EPS15: variants seen among roughly 807,000 people sequenced by gnomAD.
The protein encoded by EPS15 is epidermal growth factor receptor pathway substrate 15.
EPS15 carries 72 observed loss-of-function variants against 113.8 expected under a neutral mutation model. The ratio of observed to expected loss-of-function variants is 0.63; its 90% CI spans 0.52 to 0.77. The LOEUF is 0.77. EPS15 is among the 30% of genes least tolerant of loss of function. EPS15 has a pLI of 0.00. For missense variants in EPS15, 1,048 were observed against 1,045.8 expected (o/e 1.00, Z -0.03); for synonymous variants, 344 against 363.4 (o/e 0.95, Z 0.61).
intron 7 of EPS15, 107 bp downstream of exon 7, chr1:51,463,566 A>G: frequency 1.7e-6 from 1 of 586,798 alleles, no homozygotes; most frequent in Non-Finnish European, 2.7e-6. Flanking sequence ...ATACAACTTT[A>G]AAATAAGATT....
intron 21 of EPS15, among the ~76,000 whole-genome samples, chr1:51,378,238 T>C (rs1349798302): frequency 6.6e-6 from 1 of 151,980 alleles, no homozygotes; most frequent in Non-Finnish European, 1.5e-5. Flanking sequence ...CATTTTCTAA[T>C]TAAGACACGT....
At chr1:51,399,298 CCCA>C in intron 19 of EPS15, 133 bp from the exon 20 acceptor site, 2 of 726,788 alleles carry the variant, frequency 2.8e-6, no homozygotes, top group Non-Finnish European at 4.4e-6. Context: ...CGTCTGCATT[CCCA>C]CCACTTTGGG....
At chr1:51,478,581 C>T (rs1202977879) in intron 2 of EPS15, among the ~76,000 whole-genome samples, 1 of 151,610 alleles carries the variant, frequency 6.6e-6, no homozygotes, top group East Asian at 1.9e-4. Flanking sequence ...CATGTTTTTG[C>T]AGTGGCTGGT....
intron 1 of EPS15, among the ~76,000 whole-genome samples, chr1:51,515,233 C>T (rs2148571427): frequency 6.6e-6 from 1 of 151,646 alleles, no homozygotes; most frequent in South Asian, 2.1e-4. Flanking sequence ...AATTAAGTCC[C>T]TACTTAAGGG....
At chr1:51,382,607 T>C (rs1646967678) in intron 21 of EPS15, among the ~76,000 whole-genome samples, 1 of 151,800 alleles carries the variant, frequency 6.6e-6, no homozygotes, top group African/African-American at 2.4e-5. Flanking sequence ...TTAGTAGAGA[T>C]GGGGTTTCAC....
At chr1:51,376,434 CG>C (rs573645605) in intron 21 of EPS15, among the ~76,000 whole-genome samples, 123 of 152,264 alleles carry the variant, frequency 8.1e-4, no homozygotes, top group African/African-American at 2.7e-3. Context: ...GAGGCCAAGG[CG>C]GGCAGATCAC....
At position 51,408,199 on chromosome 1, in the gene EPS15, G is replaced by GACTCT; in HGVS notation, c.1404_1408dup (p.Ser470Ter). 6.2e-7 allele frequency: 1 copy of GACTCT among 1,614,016 alleles called. No individual in the cohort carries two copies. The highest frequency in any genetic ancestry group is 8.5e-7 in the Non-Finnish European group (1 of 1,179,956). On this transcript the variant is annotated stop_gained and frameshift_variant, in exon 15 of 25. Coordinates refer to ENST00000371733, the MANE Select transcript of EPS15 (RefSeq NM_001981.3). LOFTEE classifies it high-confidence loss of function. ...AAGAGGTTCCAACTGAGCCTTCCCT[G>GACTCT]ACTCTACACTCTCCTCCAATTCTGC...
intron 1 of EPS15, among the ~76,000 whole-genome samples, chr1:51,511,800 T>C (rs530873435): frequency 2.6e-4 from 39 of 152,332 alleles, no homozygotes; most frequent in African/African-American, 9.1e-4. Flanking sequence ...GTTCTTATCC[T>C]AGCATTCTTG....
intron 1 of EPS15, among the ~76,000 whole-genome samples, chr1:51,506,881 A>G (rs560178124): frequency 9.1e-4 from 138 of 152,302 alleles, no homozygotes; most frequent in African/African-American, 3.1e-3. Context: ...ACTGCAGAGA[A>G]GGGTGAAAAC....
intron 11 of EPS15, among the ~76,000 whole-genome samples, chr1:51,442,989 GAA>G (rs1357204441): frequency 8.5e-5 from 13 of 152,064 alleles, no homozygotes; most frequent in Admixed American, 7.9e-4. Flanking sequence ...AGATTAAAGA[GAA>G]AAGAGGTTAT....
intron 21 of EPS15, among the ~76,000 whole-genome samples, chr1:51,379,231 C>T (rs148188620): frequency 1.4e-3 from 220 of 152,194 alleles, no homozygotes; most frequent in African/African-American, 4.1e-3. Context: ...GTGATTCTCC[C>T]GCCTCAGCCT....
chr1:51,361,037 G>C (rs531277766), intron 24 of EPS15, 134 bp downstream of exon 24: 9 of 680,628 alleles, frequency 1.3e-5, no homozygotes, highest in Non-Finnish European at 2.0e-5. Flanking sequence ...GGTTTTGCTT[G>C]GGGGAAGAAT....
chr1:51,519,210 A>G lies in EPS15; in HGVS notation c.22T>C (p.Ser8Pro). ...GCGTGTGGCGTTACCTGTGTCAGAGAGAGCTGGGCCGCCGCAGCCATGGTG... is the reference window on the plus strand; with the variant it reads ...GCGTGTGGCGTTACCTGTGTCAGAGGGAGCTGGGCCGCCGCAGCCATGGTG... MAAAAQL[S>P]LTQLSSGNPV... Residue 8 changes from serine to proline, a missense_variant, in exon 1 of 25, where the codon TCT (serine) becomes CCT (proline). Coordinates refer to ENST00000371733, the MANE Select transcript of EPS15 (RefSeq NM_001981.3). The G allele has an allele frequency of 7.2e-7, 1 of 1,382,494 alleles. No homozygotes were observed. Among genetic ancestry groups the G allele is most frequent in the Non-Finnish European group, 9.5e-7 (1 of 1,052,386 alleles). 85.6% of individuals were successfully genotyped at this position (1,382,494 alleles called of 1,614,324 possible). A position where few individuals can be genotyped will look rare whatever the true frequency, so the allele number is the denominator to read the frequency against.
At chr1:51,472,008 ATTTT>A (rs57128370) in intron 3 of EPS15, among the ~76,000 whole-genome samples, 1 of 145,280 alleles carries the variant, frequency 6.9e-6, no homozygotes, top group East Asian at 2.0e-4. Context: ...TTCTTTTATG[ATTTT>A]TTTTTTTTTT....
intron 7 of EPS15, chr1:51,462,189 C>G (rs992966477): frequency 6.6e-6 from 1 of 151,948 alleles, no homozygotes; most frequent in Non-Finnish European, 1.5e-5. Flanking sequence ...ATGGAGAAAC[C>G]CCATCTCTAC....
intron 7 of EPS15, among the ~76,000 whole-genome samples, chr1:51,461,384 G>A (rs1044633949): frequency 6.6e-6 from 1 of 152,022 alleles, no homozygotes; most frequent in Non-Finnish European, 1.5e-5. Flanking sequence ...AGCTGGGCAT[G>A]GTGGCATCCA....
intron 8 of EPS15, among the ~76,000 whole-genome samples, chr1:51,451,595 C>A (rs1653573309): frequency 6.7e-6 from 1 of 150,030 alleles, no homozygotes; most frequent in African/African-American, 2.5e-5. Context: ...ATAAATGGAG[C>A]AATTGAGAGC....
chr1:51,482,716 G>C (rs1330877794), intron 1 of EPS15, among the ~76,000 whole-genome samples: 1 of 152,070 alleles, frequency 6.6e-6, no homozygotes, highest in East Asian at 1.9e-4. Context: ...TCCACCCGTT[G>C]TGGCTTCCCA....
intron 21 of EPS15, among the ~76,000 whole-genome samples, chr1:51,367,631 C>T (rs1646536886): frequency 6.6e-6 from 1 of 152,118 alleles, no homozygotes; most frequent in Non-Finnish European, 1.5e-5. Context: ...TTGCACTTAC[C>T]AAGCAGACTA....
Sources: allele counts gnomAD v4.1 joint callset (sites outside exome capture counted in the v4.1 genomes callset), GRCh38; gene constraint gnomAD v4.1.1; transcripts MANE v1.5; gene names NCBI Gene and HGNC (gene_info 2026-07-23, HGNC 2026-07-21).